CTSO: variants seen among roughly 807,000 people sequenced by gnomAD.
The protein encoded by CTSO is cathepsin O.
Under a neutral mutation model 42.4 loss-of-function variants are expected in CTSO, and 40 were observed. The observed-to-expected ratio is 0.94, with a 90% confidence interval of 0.73 to 1.23. CTSO has a LOEUF of 1.23. CTSO is among the 50% of genes most tolerant of loss of function. CTSO has a pLI of 0.00. For missense variants in CTSO, 441 were observed against 396.0 expected (o/e 1.11, Z -0.96); for synonymous variants, 156 against 146.2 (o/e 1.07, Z -0.48).
intron 1 of CTSO, among the ~76,000 whole-genome samples, chr4:155,948,911 GA>G (rs1743595604): frequency 6.6e-6 from 1 of 152,156 alleles, no homozygotes; most frequent in African/African-American, 2.4e-5. Context: ...TCCCTGAGGG[GA>G]AAAATCTGTG....
At chr4:155,943,334 C>T in intron 1 of CTSO, 70 bp from the exon 2 acceptor site, 1 of 878,006 alleles carries the variant, frequency 1.1e-6, no homozygotes, top group Non-Finnish European at 1.8e-6. Context: ...GTATAACTAA[C>T]TTGGAGAAAT....
chr4:155,939,963 A>G (rs563824538), intron 3 of CTSO, among the ~76,000 whole-genome samples: 4 of 152,204 alleles, frequency 2.6e-5, no homozygotes, highest in African/African-American at 9.6e-5. Flanking sequence ...CTCTGCTTCC[A>G]TGGTCATACA....
chr4:155,943,214 G>A lies in CTSO; in HGVS notation c.186C>T (p.Asn62=), dbSNP rs1436972270. The A allele has an allele frequency of 1.2e-6, 2 of 1,612,322 alleles. No individual in the cohort carries two copies. The highest frequency in any genetic ancestry group is 1.7e-6 in the Non-Finnish European group (2 of 1,178,720). ...GATTTATTCCATAGAAGGCGGTGGA[G>A]TTTTCACTGGGAAATAAAGAATTCA... ...RYLNSLFPSE[N]STAFYGINQF... The change falls in exon 2 of 8, where the codon AAC becomes AAT. Residue 62 remains asparagine (N), a synonymous_variant. Transcript: ENST00000433477.
chr4:155,939,273 A>G lies in CTSO; in HGVS notation c.552+98T>C, dbSNP rs546903928. On this transcript the variant is annotated intron_variant, in intron 4 of 7. Transcript: ENST00000433477. The stretch of plus-strand genomic sequence containing the variant: ...CATCTACATTTCCGAACGTGGAAAC[A>G]TTATTTAATATATGTGAACAAACTG... 2.8e-5 allele frequency: 29 copies of G among 1,050,596 alleles called. No homozygotes were observed. The East Asian group carries it at 3.6e-4, about 13-fold the overall frequency. 65.1% of individuals were successfully genotyped at this position (1,050,596 alleles called of 1,614,324 possible).
chr4:155,927,351 G>A (rs1743146748), intron 7 of CTSO, among the ~76,000 whole-genome samples: 1 of 152,180 alleles, frequency 6.6e-6, no homozygotes, highest in Non-Finnish European at 1.5e-5. Context: ...TTTGGGTCTA[G>A]CTTGATTCAG....
At position 155,953,838 on chromosome 4, in the gene CTSO, G is replaced by GCACGT. The variant is rs1271343630; in HGVS notation, c.5_9dup (p.Arg4ThrfsTer53). 2 of 1,292,778 alleles carry GCACGT rather than the reference G, an allele frequency of 1.5e-6. No individual in the cohort carries two copies. Among genetic ancestry groups the GCACGT allele is most frequent in the African/African-American group, 3.1e-5 (2 of 64,914 alleles). 80.1% of individuals were successfully genotyped at this position (1,292,778 alleles called of 1,614,324 possible). On this transcript the variant is annotated frameshift_variant, in exon 1 of 8. Coordinates refer to ENST00000433477, the MANE Select transcript of CTSO (RefSeq NM_001334.3). LOFTEE classifies it high-confidence loss of function. The stretch of plus-strand genomic sequence containing the variant: ...AGCCACGGCAGCCACGGCAGCGCCC[G>GCACGT]CACGTCCATTGCGGCGCCCGGCTCC...
chr4:155,933,273 TCTCC>T (rs1560785678), intron 5 of CTSO, among the ~76,000 whole-genome samples: 6 of 152,198 alleles, frequency 3.9e-5, no homozygotes, highest in African/African-American at 1.4e-4. Flanking sequence ...GGTTTCCACT[TCTCC>T]TTCTTCCTCA....
Position 155,928,317 on chromosome 4 carries a change from A to T in CTSO, c.931+19T>A. ...CTTAATATTTATATTGAGGTTTTAA[A>T]CACAAACTCATGACTTACCACAAAC... On this transcript the variant is annotated intron_variant, in intron 7 of 7. Coordinates refer to ENST00000433477, the MANE Select transcript of CTSO (RefSeq NM_001334.3). The T allele has an allele frequency of 6.4e-7, 1 of 1,571,140 alleles. No homozygotes were observed. Among genetic ancestry groups the T allele is most frequent in the Non-Finnish European group, 8.7e-7 (1 of 1,144,796 alleles).
At chr4:155,943,069 T>C in intron 2 of CTSO, 87 bp downstream of exon 2, 1 of 798,010 alleles carries the variant, frequency 1.3e-6, no homozygotes, top group Non-Finnish European at 2.1e-6. Context: ...TTACTCAATA[T>C]ATTAGATTTA....
Position 155,942,469 on chromosome 4 carries a change from A to T in CTSO, c.245-13T>A. ...CTTAAATAAATGGCTGAGTAGAAAC[A>T]TAAAATGAAAATACAACCAATATTA... On this transcript the variant is annotated splice_polypyrimidine_tract_variant and intron_variant, in intron 2 of 7. Coordinates refer to ENST00000433477, the MANE Select transcript of CTSO (RefSeq NM_001334.3). 6.9e-7 allele frequency: 1 copy of T among 1,456,882 alleles called. No individual in the cohort carries two copies. Among genetic ancestry groups the T allele is most frequent in the Non-Finnish European group, 9.1e-7 (1 of 1,096,158 alleles). The allele number at this position is 1,456,882 out of a possible 1,614,324, so 90.2% of individuals were successfully genotyped here.
At chr4:155,936,820 C>T (rs952965052) in intron 5 of CTSO, among the ~76,000 whole-genome samples, 1 of 152,062 alleles carries the variant, frequency 6.6e-6, no homozygotes, top group African/African-American at 2.4e-5. Context: ...TATATGCTTC[C>T]CTCTTTTCTC....
chr4:155,939,790 T>G (rs1299294536), intron 3 of CTSO, among the ~76,000 whole-genome samples: 3 of 152,188 alleles, frequency 2.0e-5, no homozygotes, highest in Non-Finnish European at 4.4e-5. Flanking sequence ...AAGATAAAAG[T>G]GAATTTTTAG....
Position 155,929,643 on chromosome 4 carries a change from T to C in CTSO, c.737A>G (p.Asp246Gly). The C allele has an allele frequency of 6.2e-7, 1 of 1,614,030 alleles. No homozygotes were observed. Among genetic ancestry groups the C allele is most frequent in the East Asian group, 2.2e-5 (1 of 44,882 alleles). Reference sequence around the variant, plus strand: ...CAGATAATCTTGCCAGCTCACTGCATCTACTATGACTACCAAAGGGCCAAA... The same window carrying C: ...CAGATAATCTTGCCAGCTCACTGCACCTACTATGACTACCAAAGGGCCAAA... ...LTFGPLVVIV[D>G]AVSWQDYLGG... Residue 246 changes from aspartate to glycine, a missense_variant, in exon 6 of 8, where the codon GAT (aspartate) becomes GGT (glycine). Asp to Gly is a moderately conservative substitution (Grantham distance 94). Transcript: ENST00000433477.
In CTSO at chr4:155,939,473, C is replaced by A; in HGVS notation, c.450G>T (p.Lys150Asn). Reference protein sequence around the residue: ...AVESAYAIKGKPLEDLSVQQV... With the variant: ...AVESAYAIKGNPLEDLSVQQV... ...GCTGGACACTTAGGTCTTCCAGGGG[C>A]TTCCCCTTTATTGCATAAGCAGATT... Residue 150 changes from lysine (K) to asparagine (N), a missense_variant, in exon 4 of 8, where the codon AAG becomes AAT. Lys to Asn is a moderately conservative substitution (Grantham distance 94). Transcript: ENST00000433477. The A allele has an allele frequency of 6.2e-7, 1 of 1,614,168 alleles. No homozygotes were observed. Among genetic ancestry groups the A allele is most frequent in the Non-Finnish European group, 8.5e-7 (1 of 1,180,012 alleles).
At chr4:155,952,101 C>T (rs1337373307) in intron 1 of CTSO, among the ~76,000 whole-genome samples, 3 of 152,098 alleles carry the variant, frequency 2.0e-5, no homozygotes, top group Non-Finnish European at 1.5e-5. Context: ...TCTCATGAAG[C>T]AAATTCTTAC....
chr4:155,927,249 T>G (rs1207228213), intron 7 of CTSO, among the ~76,000 whole-genome samples: 1 of 152,240 alleles, frequency 6.6e-6, no homozygotes, highest in Non-Finnish European at 1.5e-5. Flanking sequence ...ATCAGTCTCA[T>G]AATCTGAAAG....
chr4:155,939,376 T>C lies in CTSO; in HGVS notation c.547A>G (p.Asn183Asp). Residue 183 changes from asparagine to aspartate, a missense_variant, in exon 4 of 8, where the codon AAC (asparagine) becomes GAC (aspartate). Physicochemically the swap from Asn to Asp is conservative, Grantham distance 23. Coordinates refer to ENST00000433477, the MANE Select transcript of CTSO (RefSeq NM_001334.3). ...GAGGTTGAGAGACTAGTCACCTTGT[T>C]TAACCAGTTCAAAGCATTGAGAGTA... ...GSTLNALNWL[N>D]KMQVKLVKDS... The C allele has an allele frequency of 1.2e-6, 2 of 1,606,988 alleles. No individual in the cohort carries two copies. The highest frequency in any genetic ancestry group is 1.7e-6 in the Non-Finnish European group (2 of 1,175,056).
rs756668381 is a variant in CTSO at position 155,928,345 on chromosome 4, T to C, written c.922A>G (p.Asn308Asp). The change falls in exon 7 of 8, where the codon AAT (asparagine) becomes GAT (aspartate). Residue 308 changes from asparagine to aspartate, a missense_variant. Transcript: ENST00000433477. ...DGYAHVKMGS[N>D]VCGIADSVSS... ...CAAACTCATGACTTACCACAAACAT[T>C]ACTTCCCATTTTGACATGGGCATAA... The C allele has an allele frequency of 3.1e-6, 5 of 1,610,910 alleles. No individual in the cohort carries two copies. Among genetic ancestry groups the C allele is most frequent in the Non-Finnish European group, 4.2e-6 (5 of 1,177,918 alleles).
At chr4:155,940,941 AG>A (rs1743419596) in intron 3 of CTSO, among the ~76,000 whole-genome samples, 1 of 147,384 alleles carries the variant, frequency 6.8e-6, no homozygotes, top group South Asian at 2.2e-4. Flanking sequence ...AAAAAAAAAA[AG>A]TCTCTCATAC....
Sources: allele counts gnomAD v4.1 joint callset (sites outside exome capture counted in the v4.1 genomes callset), GRCh38; gene constraint gnomAD v4.1.1; transcripts MANE v1.5; gene names NCBI Gene and HGNC (gene_info 2026-07-23, HGNC 2026-07-21).